The following PREX1 variants were observed in gnomAD, a reference collection of about 807,000 sequenced individuals.
PREX1 encodes phosphatidylinositol 3,4,5-trisphosphate-dependent Rac exchanger 1 protein.
In PREX1, 41 loss-of-function variants were observed where a neutral mutation model predicts 198.3. The ratio of observed to expected loss-of-function variants is 0.21; its 90% confidence interval spans 0.16 to 0.27. PREX1 has a LOEUF of 0.27. Among genes scored for constraint, PREX1 ranks in the 10% least tolerant of loss-of-function variants. The pLI, the probability that PREX1 is intolerant of heterozygous loss-of-function variation, is 1.00. For synonymous variants in PREX1, 843 were observed against 887.2 expected (o/e 0.95, Z 0.89); for missense variants, 1,620 against 2,200.7 (o/e 0.74, Z 5.28).
chr20:48,805,135 C>T (rs1450258390), intron 1 of PREX1, among the ~76,000 whole-genome samples: 2 of 152,222 alleles, frequency 1.3e-5, no homozygotes, highest in African/African-American at 4.8e-5. Flanking sequence ...TGCCCACCAG[C>T]CTCCTGGCTA....
the PREX1 span, among the ~76,000 whole-genome samples, chr20:48,855,087 G>T: frequency 2.0e-5 from 3 of 152,054 alleles, no homozygotes; most frequent in Non-Finnish European, 2.9e-5. Context: ...TTATCATACC[G>T]ATTATTATCC....
chr20:48,759,376 C>A (rs562294032), intron 1 of PREX1, among the ~76,000 whole-genome samples: 1 of 151,688 alleles, frequency 6.6e-6, no homozygotes, highest in South Asian at 2.1e-4. Context: ...ATAGTGAAAC[C>A]CTGTCTCTAC....
At position 48,651,469 on chromosome 20, in the gene PREX1, C is replaced by T; in HGVS notation, c.2582G>A (p.Ser861Asn). Residue 861 changes from serine to asparagine, a missense_variant, in exon 22 of 40, where the codon AGC becomes AAC. By Grantham distance (46) the Ser-to-Asn change is conservative. Around this residue, in one of 7 missense-constraint regions of PREX1, gnomAD observed 514 missense variants for 611.6 expected, o/e 0.84. Transcript: ENST00000371941. ...CACATGGCACCTGACGCCTGCCGTG[C>T]TCACATACTCATACACCACGCCGTG... is the stretch of plus-strand genomic sequence containing the variant. ...LEHGVVYEYV[S>N]TAGVRCHVLE... The T allele has an allele frequency of 1.2e-6, 2 of 1,614,198 alleles. No homozygotes were observed. The highest frequency in any genetic ancestry group is 8.5e-7 in the Non-Finnish European group (1 of 1,180,040).
chr20:48,700,283 T>C (rs1465039044), intron 7 of PREX1, among the ~76,000 whole-genome samples: 1 of 152,192 alleles, frequency 6.6e-6, no homozygotes, highest in Non-Finnish European at 1.5e-5. Flanking sequence ...TCCACAGTCA[T>C]CTAGACCTGT....
chr20:48,642,534 C>A (rs1375108270), intron 27 of PREX1, 45 bp from the exon 28 acceptor site: 2 of 1,508,818 alleles, frequency 1.3e-6, no homozygotes, highest in Non-Finnish European at 1.8e-6. Context: ...TCCTGCCCCA[C>A]CTCACACCAT....
chr20:48,751,451 C>T (rs2090133695), intron 1 of PREX1, among the ~76,000 whole-genome samples: 1 of 152,200 alleles, frequency 6.6e-6, no homozygotes, highest in African/African-American at 2.4e-5. Flanking sequence ...TCGGGCCACC[C>T]ACTGAGGAAC....
At chr20:48,677,119 CT>C (rs1418209012) in intron 13 of PREX1, among the ~76,000 whole-genome samples, 1 of 152,160 alleles carries the variant, frequency 6.6e-6, no homozygotes, top group Non-Finnish European at 1.5e-5. Context: ...GGCTTTAGGA[CT>C]GGGGGGGTCT....
At position 48,737,479 on chromosome 20, in the gene PREX1, C is replaced by T. The variant is rs182439337; in HGVS notation, c.415-2829G>A. On this transcript the variant is annotated intron_variant, in intron 3 of 39. Coordinates refer to ENST00000371941, the MANE Select transcript of PREX1 (RefSeq NM_020820.4). ...TGTCAATGGGGTCAGCGGCCACTGG[C>T]AGAGAGCAGGTATTGTGACTATTTG... is the stretch of plus-strand genomic sequence containing the variant. Among the ~76,000 whole-genome samples the T allele has an allele frequency of 1.8e-3, 281 of 152,162 alleles. 1 individual carries two copies. The highest frequency in any genetic ancestry group is 6.2e-3 in the African/African-American group (259 of 41,490).
At chr20:48,633,684 C>G (rs1472128979) in intron 33 of PREX1, among the ~76,000 whole-genome samples, 4 of 152,088 alleles carry the variant, frequency 2.6e-5, no homozygotes, top group African/African-American at 9.7e-5. Context: ...TCTGAGAACC[C>G]CTGCTTTCAG....
intron 5 of PREX1, 116 bp downstream of exon 5, chr20:48,726,174 C>T: frequency 1.2e-6 from 1 of 814,216 alleles, no homozygotes. Context: ...GGTTTAAATC[C>T]AGCCCGGCCC....
the PREX1 span, among the ~76,000 whole-genome samples, chr20:48,871,690 G>C: frequency 8.3e-5 from 8 of 95,816 alleles, no homozygotes; most frequent in Admixed American, 6.3e-4. Flanking sequence ...GTATGATTTT[G>C]GGTAATTTAC....
intron 1 of PREX1, among the ~76,000 whole-genome samples, chr20:48,775,017 G>C (rs894738906): frequency 3.9e-5 from 6 of 152,218 alleles, no homozygotes; most frequent in Non-Finnish European, 7.3e-5. Context: ...CCTGCTTCCA[G>C]CCTCAGCTTT....
the PREX1 span, among the ~76,000 whole-genome samples, chr20:48,882,459 G>A: frequency 0.4 from 54,096 of 134,612 alleles, 10,349 homozygotes; most frequent in Middle Eastern, 0.54. Flanking sequence ...CCGAGATCGC[G>A]CCACTGCACT....
intron 36 of PREX1, 120 bp downstream of exon 36, chr20:48,630,608 C>T: frequency 1.2e-6 from 1 of 827,206 alleles, no homozygotes. Flanking sequence ...ACTGCAGGGT[C>T]TCAAGGGCTT....
chr20:48,800,276 G>A (rs1465607261), intron 1 of PREX1, among the ~76,000 whole-genome samples: 1 of 152,084 alleles, frequency 6.6e-6, no homozygotes, highest in South Asian at 2.1e-4. Context: ...TTAAGGGCCT[G>A]GATTTATTGA....
rs1391112839 is a variant in PREX1 at position 48,696,980 on chromosome 20, ACAC to A, written c.917+3770_917+3772del. ...AACTGCTTATTATAAATCTCTTTAC[ACAC>A]ACACACACACACACACACACCCTAT... On this transcript the variant is annotated intron_variant, in intron 7 of 39. Coordinates refer to ENST00000371941, the MANE Select transcript of PREX1 (RefSeq NM_020820.4). Among the ~76,000 whole-genome samples the A allele has an allele frequency of 9.2e-5, 7 of 75,872 alleles. No homozygotes were observed. In the African/African-American group the frequency reaches 1.3e-3, roughly 14 times the overall value. 49.8% of individuals were successfully genotyped at this position (75,872 alleles called of 152,430 possible).
intron 1 of PREX1, among the ~76,000 whole-genome samples, chr20:48,766,867 G>T (rs1206908781): frequency 6.6e-6 from 1 of 152,082 alleles, no homozygotes; most frequent in East Asian, 1.9e-4. Context: ...TCTGGGGCAG[G>T]TTCCTCACCT....
chr20:48,646,675 CAA>C lies in PREX1; in HGVS notation c.3306-620_3306-619del, dbSNP rs552888256. 2.2e-3 allele frequency among the ~76,000 whole-genome samples: 184 copies of C among 82,510 alleles called. 3 individuals are homozygous for C. Among genetic ancestry groups the C allele is most frequent in the South Asian group, 0.018 (52 of 2,920 alleles). The allele number at this position is 82,510 out of a possible 152,430, so 54.1% of individuals were successfully genotyped here. The stretch of plus-strand genomic sequence containing the variant: ...CTGCACAGAGCGAGAGAACCCATCT[CAA>C]AAAAAAAAAAAAAAAGAAAAGAAAA... On this transcript the variant is annotated intron_variant, in intron 25 of 39. Transcript: ENST00000371941.
chr20:48,710,574 G>A (rs2089925910), intron 5 of PREX1, among the ~76,000 whole-genome samples: 1 of 152,200 alleles, frequency 6.6e-6, no homozygotes, highest in African/African-American at 2.4e-5. Flanking sequence ...CAGCACATCT[G>A]AGCCCACCCA....
Sources: allele counts gnomAD v4.1 joint callset (sites outside exome capture counted in the v4.1 genomes callset), GRCh38; gene constraint gnomAD v4.1.1; regional missense constraint gnomAD v4.1.1; transcripts MANE v1.5; gene names NCBI Gene and HGNC (gene_info 2026-07-23, HGNC 2026-07-21).